CAMK1D: variants seen among roughly 807,000 people sequenced by gnomAD.
The protein encoded by CAMK1D is calcium/calmodulin dependent protein kinase ID.
Under a neutral mutation model 47.7 loss-of-function variants are expected in CAMK1D, and 9 were observed. That is an observed-to-expected ratio of 0.19 (90% CI 0.11 to 0.33). The LOEUF (loss-of-function observed/expected upper bound fraction) is 0.33. Among genes scored for constraint, CAMK1D ranks in the 10% least tolerant of loss-of-function variants. The pLI, the probability that CAMK1D is intolerant of heterozygous loss-of-function variation, is 1.00. For synonymous variants in CAMK1D, 184 were observed against 184.9 expected, an observed-to-expected ratio of 0.99 and a Z score of 0.04; for missense variants, 291 against 488.7, an observed-to-expected ratio of 0.60 and a Z score of 3.81.
chr10:12,617,097 G>A (rs1368688762), intron 2 of CAMK1D, among the ~76,000 whole-genome samples: 1 of 152,136 alleles, frequency 6.6e-6, no homozygotes, highest in Admixed American at 6.5e-5. Context: ...GTGAGTGGTA[G>A]ATTTTTTTTC....
chr10:12,379,134 C>T (rs1838272089), intron 1 of CAMK1D, among the ~76,000 whole-genome samples: 1 of 152,044 alleles, frequency 6.6e-6, no homozygotes, highest in South Asian at 2.1e-4. Flanking sequence ...TTTAGTAGAG[C>T]AAGAAAATCT....
At chr10:12,804,706 G>A (rs966918597) in intron 6 of CAMK1D, among the ~76,000 whole-genome samples, 1 of 151,584 alleles carries the variant, frequency 6.6e-6, no homozygotes, top group East Asian at 1.9e-4. Context: ...GGCCAAGGTG[G>A]GAGGATCTCT....
chr10:12,620,608 T>G (rs905010210), intron 2 of CAMK1D, among the ~76,000 whole-genome samples: 7 of 152,250 alleles, frequency 4.6e-5, no homozygotes, highest in African/African-American at 1.7e-4. Context: ...TCATGTTCTA[T>G]CTGGGTTGTT....
intron 1 of CAMK1D, among the ~76,000 whole-genome samples, chr10:12,424,830 A>G (rs115412304): frequency 6.0e-4 from 91 of 152,222 alleles, no homozygotes; most frequent in African/African-American, 2.1e-3. Flanking sequence ...CCAAAAACCC[A>G]TTAGGGACTT....
chr10:12,515,749 A>T (rs572989200), intron 1 of CAMK1D, among the ~76,000 whole-genome samples: 2 of 151,396 alleles, frequency 1.3e-5, no homozygotes, highest in African/African-American at 2.4e-5. Flanking sequence ...AGCTGGGACT[A>T]TAAGCGCCTG....
intron 1 of CAMK1D, among the ~76,000 whole-genome samples, chr10:12,353,220 A>G (rs528609127): frequency 2.6e-3 from 399 of 152,316 alleles, no homozygotes; most frequent in Non-Finnish European, 4.7e-3. Context: ...GGCATCGACA[A>G]TTAACCACTG....
chr10:12,618,331 A>C (rs1156307982), intron 2 of CAMK1D, among the ~76,000 whole-genome samples: 1 of 152,122 alleles, frequency 6.6e-6, no homozygotes, highest in Non-Finnish European at 1.5e-5. Flanking sequence ...AATAGATTTC[A>C]TTCTGTTGCT....
intron 1 of CAMK1D, among the ~76,000 whole-genome samples, chr10:12,451,400 G>C (rs1833078999): frequency 6.6e-6 from 1 of 152,144 alleles, no homozygotes; most frequent in African/African-American, 2.4e-5. Flanking sequence ...GGGCCTGGAG[G>C]AGATTCCTCT....
intron 3 of CAMK1D, among the ~76,000 whole-genome samples, chr10:12,673,627 G>A (rs886253301): frequency 5.9e-5 from 9 of 152,128 alleles, no homozygotes; most frequent in Non-Finnish European, 8.8e-5. Context: ...GTAAAACTTT[G>A]ATAGTTTAGT....
At chr10:12,627,636 A>G (rs1202561831) in intron 2 of CAMK1D, among the ~76,000 whole-genome samples, 1 of 152,208 alleles carries the variant, frequency 6.6e-6, no homozygotes, top group Non-Finnish European at 1.5e-5. Context: ...AAATGGAATC[A>G]TAGAGCACAT....
chr10:12,372,450 C>T (rs963859660), intron 1 of CAMK1D, among the ~76,000 whole-genome samples: 6 of 152,202 alleles, frequency 3.9e-5, no homozygotes, highest in African/African-American at 1.4e-4. Context: ...AAAGCCAGTG[C>T]TCCCAGCCAT....
chr10:12,682,853 T>A (rs998610131), intron 3 of CAMK1D, among the ~76,000 whole-genome samples: 9 of 105,386 alleles, frequency 8.5e-5, no homozygotes, highest in African/African-American at 2.4e-4. Flanking sequence ...GAAGTTAAAT[T>A]TTTTTTTGCT....
chr10:12,727,580 C>G (rs1328601132), intron 3 of CAMK1D, among the ~76,000 whole-genome samples: 1 of 152,190 alleles, frequency 6.6e-6, no homozygotes, highest in Non-Finnish European at 1.5e-5. Flanking sequence ...TGGGCACAAT[C>G]TTTCATATCA....
chr10:12,815,462 G>C (rs1225987141), intron 7 of CAMK1D, among the ~76,000 whole-genome samples: 1 of 152,224 alleles, frequency 6.6e-6, no homozygotes, highest in Non-Finnish European at 1.5e-5. Context: ...TGGAAACCTG[G>C]GCCTGGAGTA....
At chr10:12,594,417 A>G (rs562542949) in intron 2 of CAMK1D, among the ~76,000 whole-genome samples, 1 of 152,350 alleles carries the variant, frequency 6.6e-6, no homozygotes, top group East Asian at 1.9e-4. Flanking sequence ...AGCTAATTTC[A>G]AAGTGACATT....
At chr10:12,646,989 T>C (rs1188294107) in intron 2 of CAMK1D, among the ~76,000 whole-genome samples, 2 of 151,192 alleles carry the variant, frequency 1.3e-5, no homozygotes, top group Non-Finnish European at 2.9e-5. Flanking sequence ...TTATAGGGCA[T>C]GTGCCACCTC....
chr10:12,418,502 G>C (rs1470127456), intron 1 of CAMK1D, among the ~76,000 whole-genome samples: 2 of 152,146 alleles, frequency 1.3e-5, no homozygotes, highest in Non-Finnish European at 2.9e-5. Flanking sequence ...TAGCTACTGG[G>C]GAGGCTGAGG....
chr10:12,625,611 A>G (rs12768762), intron 2 of CAMK1D, among the ~76,000 whole-genome samples: 1,026 of 93,804 alleles, frequency 0.011, 2 homozygotes, highest in Middle Eastern at 0.044. Context: ...AATTACAGGC[A>G]TGAGCCCCCA....
At chr10:12,534,095 T>C (rs367791561) in intron 1 of CAMK1D, among the ~76,000 whole-genome samples, 3 of 152,246 alleles carry the variant, frequency 2.0e-5, no homozygotes, top group Non-Finnish European at 2.9e-5. Flanking sequence ...ACTGTACTTT[T>C]GTAATTTGGT....
Sources: gnomAD v4.1 joint callset for allele counts (sites outside exome capture counted in the v4.1 genomes callset) on GRCh38, gnomAD v4.1.1 for gene constraint, MANE v1.5 for transcripts, NCBI Gene and HGNC (gene_info 2026-07-23, HGNC 2026-07-21) for gene names.